The following ZBTB4 variants were observed in gnomAD, a reference collection of about 807,000 sequenced individuals.
ZBTB4 encodes zinc finger and BTB domain-containing protein 4.
In ZBTB4, 14 loss-of-function variants were observed where a neutral mutation model predicts 59.8. That is an observed-to-expected ratio of 0.23 (90% CI 0.15 to 0.37). ZBTB4 has a LOEUF of 0.37. ZBTB4 is among the 10% of genes least tolerant of loss of function. The pLI is 1.00. For missense variants in ZBTB4, 1,198 were observed against 1,380.8 expected (o/e 0.87, Z 2.10); for synonymous variants, 587 against 575.2 (o/e 1.02, Z -0.29).
intron 3 of ZBTB4, among the ~76,000 whole-genome samples, chr17:7,465,473 A>G (rs927233929): frequency 2.0e-5 from 3 of 151,982 alleles, no homozygotes; most frequent in African/African-American, 7.3e-5. Flanking sequence ...CAAAAAAAAA[A>G]AAAAAAAGAA....
chr17:7,468,048 C>A (rs1172000862), intron 1 of ZBTB4, among the ~76,000 whole-genome samples: 3 of 152,218 alleles, frequency 2.0e-5, no homozygotes, highest in African/African-American at 7.2e-5. Context: ...ACAACTCCTA[C>A]CTCACCTCTT....
upstream of ZBTB4, chr17:7,482,715 C>T: frequency 6.2e-7 from 1 of 1,612,016 alleles, no homozygotes; most frequent in Non-Finnish European, 8.5e-7. Flanking sequence ...CTGCAGCCCC[C>T]CGTGTTGCCC....
rs779179760 is a variant in ZBTB4, at chr17:7,462,716, G to A, written c.2266C>T (p.Arg756Trp). ...EAHGGGSHSSRAGRRPSTRFT... is the reference protein window; with the variant it reads ...EAHGGGSHSSWAGRRPSTRFT... The stretch of plus-strand genomic sequence containing the variant: ...CGGGTGGAGGGCCTCCGTCCGGCCC[G>A]GGAGCTGTGGGAGCCCCCACCGTGG... The change falls in exon 4 of 4, where the codon CGG becomes TGG. Residue 756 changes from arginine to tryptophan, a missense_variant. Arg to Trp is a moderately radical substitution (Grantham distance 101). This residue lies in a region of ZBTB4 where 550 missense variants were observed against 541.8 expected (regional missense o/e 1.02). Coordinates refer to ENST00000380599, the MANE Select transcript of ZBTB4 (RefSeq NM_001128833.2). This position sits in a 1 kb window ranked among gnomAD's most constrained non-coding sequence, Gnocchi z 7.5. 9.4e-6 allele frequency: 15 copies of A among 1,603,926 alleles called. No individual in the cohort carries two copies. The highest frequency in any genetic ancestry group is 5.0e-5 in the Admixed American group (3 of 60,006).
rs1378749855 is a variant in ZBTB4 at position 7,460,966 on chromosome 17, C to G, written c.*974G>C. 1 of 152,536 alleles carries G rather than the reference C, an allele frequency of 6.6e-6. No homozygotes were observed. Among genetic ancestry groups the G allele is most frequent in the Non-Finnish European group, 1.5e-5 (1 of 68,006 alleles). The allele number at this position is 152,536 out of a possible 1,614,324, so 9.4% of individuals were successfully genotyped here. A position where few individuals can be genotyped will look rare whatever the true frequency, so the allele number is the denominator to read the frequency against. ...CTGGGCTTACCCACCCATCCGACCC[C>G]TATCATTTTTCTGGCTATTTGGTCT... On this transcript the variant is annotated 3_prime_UTR_variant, in exon 4 of 4. Coordinates refer to ENST00000380599, the MANE Select transcript of ZBTB4 (RefSeq NM_001128833.2).
At chr17:7,481,534 C>T (rs1429582397), upstream of ZBTB4, 1 of 1,549,906 alleles carries the variant, frequency 6.5e-7, no homozygotes. Context: ...GTGTGGGGGC[C>T]AGGGGCCTAG....
chr17:7,479,863 C>T (rs1454289971), upstream of ZBTB4, among the ~76,000 whole-genome samples: 4 of 151,850 alleles, frequency 2.6e-5, no homozygotes, highest in African/African-American at 4.8e-5. Context: ...TGCAGCATCC[C>T]GGCAGGGGCG....
chr17:7,472,338 C>T (rs62061198), intron 1 of ZBTB4, among the ~76,000 whole-genome samples: 23,477 of 151,958 alleles, frequency 0.15, 2,443 homozygotes, highest in Non-Finnish European at 0.24. Flanking sequence ...TTACAGGCGC[C>T]TGCCACCACG....
chr17:7,476,298 T>A (rs4796420), intron 1 of ZBTB4, among the ~76,000 whole-genome samples: 29,762 of 152,164 alleles, frequency 0.2, 3,074 homozygotes, highest in South Asian at 0.28. Context: ...AGGGCTCTGG[T>A]CTAGCTCCAA....
upstream of ZBTB4, chr17:7,482,425 C>T (rs1260141495): frequency 6.2e-7 from 1 of 1,614,058 alleles, no homozygotes. Context: ...TCCTCACCCT[C>T]TGCCTTGAGA....
chr17:7,465,982 C>G lies in ZBTB4; in HGVS notation c.820G>C (p.Gly274Arg), dbSNP rs1219799921. Residue 274 changes from glycine (G) to arginine (R), a missense_variant, in exon 3 of 4, where the codon GGC (glycine) becomes CGC (arginine). Transcript: ENST00000380599. The part of the protein sequence containing the change: ...GSTGLGAGGA[G>R]PGGPAGVDAS... Reference sequence around the variant, plus strand: ...TCCACCCCTGCAGGACCACCAGGGCCAGCGCCCCCAGCTCCCAGCCCTGTA... The same window carrying G: ...TCCACCCCTGCAGGACCACCAGGGCGAGCGCCCCCAGCTCCCAGCCCTGTA... The G allele has an allele frequency of 1.2e-6, 2 of 1,601,850 alleles. No individual in the cohort carries two copies. The highest frequency in any genetic ancestry group is 1.7e-6 in the Non-Finnish European group (2 of 1,171,820).
upstream of ZBTB4, chr17:7,482,169 A>G (rs2070352959): frequency 6.2e-7 from 1 of 1,613,970 alleles, no homozygotes; most frequent in Admixed American, 1.7e-5. Flanking sequence ...CATATGGCTT[A>G]CCAGGCTTCC....
In ZBTB4 at chr17:7,465,902, C is replaced by G. The variant is rs2070113491; in HGVS notation, c.900G>C (p.Val300=). The G allele has an allele frequency of 6.2e-7, 1 of 1,612,756 alleles. No homozygotes were observed. The change falls in exon 3 of 4, where the codon GTG becomes GTC. Residue 300 remains valine, a synonymous_variant. Transcript: ENST00000380599. ...VGFRGGPEHV[V]KVVGGHVLYV... is the part of the protein sequence containing the mutation. ...ACAGCACGTGGCCGCCCACCACCTT[C>G]ACCACGTGCTCGGGGCCCCCTCGGA... is the stretch of plus-strand genomic sequence containing the variant.
upstream of ZBTB4, among the ~76,000 whole-genome samples, chr17:7,483,849 C>T (rs1052233879): frequency 5.9e-5 from 9 of 152,224 alleles, no homozygotes; most frequent in Non-Finnish European, 1.3e-4. Context: ...AGATGCCCAC[C>T]CGTCTCCGGG....
intron 1 of ZBTB4, among the ~76,000 whole-genome samples, chr17:7,470,963 G>GTC (rs1234084588): frequency 6.6e-6 from 1 of 152,202 alleles, no homozygotes; most frequent in East Asian, 1.9e-4. Flanking sequence ...GGTGGGCAAA[G>GTC]TCAAGCTTTG....
rs2070136931 is a variant in ZBTB4, at chr17:7,466,951, A to AGG, written c.-9-143_-9-142dup. 1 of 1,406,840 alleles carries AGG rather than the reference A, an allele frequency of 7.1e-7. No homozygotes were observed. Among genetic ancestry groups the AGG allele is most frequent in the African/African-American group, 1.4e-5 (1 of 69,116 alleles). The allele number at this position is 1,406,840 out of a possible 1,614,324, so 87.1% of individuals were successfully genotyped here. A position where few individuals can be genotyped will look rare whatever the true frequency, so the allele number is the denominator to read the frequency against. On this transcript the variant is annotated intron_variant, in intron 2 of 3. Transcript: ENST00000380599. The surrounding 1 kb of genome is among the most constrained non-coding windows in gnomAD (Gnocchi z 9.1). ...TGAATCACTTCTGGTCACAGAAGTCAGGGGTTGGCCCTTAGCCACCCAAGT... is the reference window on the plus strand; with the variant it reads ...TGAATCACTTCTGGTCACAGAAGTCAGGGGGGTTGGCCCTTAGCCACCCAAGT...
chr17:7,481,575 A>G, upstream of ZBTB4: 1 of 1,305,922 alleles, frequency 7.7e-7, no homozygotes, highest in Non-Finnish European at 1.0e-6. Flanking sequence ...TGGTTGCTCC[A>G]TTTCCCCTCC....
chr17:7,465,609 G>A, intron 3 of ZBTB4, 102 bp downstream of exon 3: 1 of 1,448,712 alleles, frequency 6.9e-7, no homozygotes, highest in Non-Finnish European at 9.1e-7. Flanking sequence ...CCTAGTTTCA[G>A]GATAACTTTC....
upstream of ZBTB4, chr17:7,479,686 C>G (rs1024368159): frequency 6.7e-6 from 1 of 150,310 alleles, no homozygotes; most frequent in Non-Finnish European, 1.5e-5. Flanking sequence ...CAGTCCCCCC[C>G]CAGCGCCGCC....
chr17:7,475,404 A>G (rs2070256018), intron 1 of ZBTB4, among the ~76,000 whole-genome samples: 1 of 152,118 alleles, frequency 6.6e-6, no homozygotes, highest in Non-Finnish European at 1.5e-5. Context: ...AATTTGCCTC[A>G]TACTCTTCTT....
Sources: allele counts gnomAD v4.1 joint callset (sites outside exome capture counted in the v4.1 genomes callset), GRCh38; gene constraint gnomAD v4.1.1; regional missense constraint gnomAD v4.1.1; non-coding constraint Gnocchi (gnomAD v3.1); transcripts MANE v1.5; gene names NCBI Gene and HGNC (gene_info 2026-07-23, HGNC 2026-07-21).